NAALADL2: variants seen among roughly 807,000 people sequenced by gnomAD.
The protein encoded by NAALADL2 is N-acetylated alpha-linked acidic dipeptidase like 2, also known as inactive N-acetylated-alpha-linked acidic dipeptidase-like protein 2.
In NAALADL2, 76 loss-of-function variants were observed where a neutral mutation model predicts 87.2. The observed-to-expected ratio is 0.87, with a 90% CI of 0.72 to 1.05. NAALADL2 has a LOEUF of 1.05. Among genes scored for constraint, NAALADL2 ranks in the 50% least tolerant of loss-of-function variants. The pLI is 0.00. For missense variants in NAALADL2, 1,089 were observed against 945.8 expected, an observed-to-expected ratio of 1.15 and a Z score of -1.99; for synonymous variants, 354 against 331.0, an observed-to-expected ratio of 1.07 and a Z score of -0.75.
chr3:175,391,542 T>C lies in NAALADL2; in HGVS notation c.1091-55687T>C, dbSNP rs367694986. ...GGGGGAAGTAAGGCCGTCAGTCTGA[T>C]AGTTTGTGAGAAACTGAACATTGAC... On this transcript the variant is annotated intron_variant, in intron 5 of 13. Coordinates refer to ENST00000454872, the MANE Select transcript of NAALADL2 (RefSeq NM_207015.3). Among the ~76,000 whole-genome samples, 34 of 152,308 alleles carry C rather than the reference T, an allele frequency of 2.2e-4. 3 individuals are homozygous for C. The highest frequency in any genetic ancestry group is 3.9e-4 in the Admixed American group (6 of 15,302).
chr3:174,479,463 G>A (rs561411982), intron 1 of NAALADL2, among the ~76,000 whole-genome samples: 1 of 152,182 alleles, frequency 6.6e-6, no homozygotes, highest in Admixed American at 6.6e-5. Context: ...GAGCTTGAAA[G>A]TCAGAATTTG....
intron 9 of NAALADL2, among the ~76,000 whole-genome samples, chr3:175,504,568 TCTCTC>T (rs1730010854): frequency 6.0e-4 from 1 of 1,656 alleles, no homozygotes; most frequent in East Asian, 0.021. Context: ...TCTCTGTTTC[TCTCTC>T]TCTCTCTCTC....
At chr3:174,930,238 A>G (rs951218805) in intron 1 of NAALADL2, among the ~76,000 whole-genome samples, 1 of 152,196 alleles carries the variant, frequency 6.6e-6, no homozygotes, top group South Asian at 2.1e-4. Flanking sequence ...TTAAAACCAC[A>G]GGAAAAATAG....
At chr3:174,927,010 G>T (rs1736149665) in intron 1 of NAALADL2, among the ~76,000 whole-genome samples, 1 of 141,940 alleles carries the variant, frequency 7.0e-6, no homozygotes, top group Non-Finnish European at 1.5e-5. Flanking sequence ...GATGGAAGAA[G>T]ATCTACCAAG....
In NAALADL2 at chr3:175,650,057, CA is replaced by C. The variant is rs11458935; in HGVS notation, c.1896+22688del. Reference sequence around the variant, plus strand: ...AGCATTATTCAGAATAACCCCACACCAAAAAAAAAAAAAAAAACCCTCAGAT... The same window carrying C: ...AGCATTATTCAGAATAACCCCACACCAAAAAAAAAAAAAAAACCCTCAGAT... On this transcript the variant is annotated intron_variant, in intron 11 of 13. Coordinates refer to ENST00000454872, the MANE Select transcript of NAALADL2 (RefSeq NM_207015.3). Among the ~76,000 whole-genome samples, 1,138 of 120,374 alleles carry C rather than the reference CA, an allele frequency of 9.5e-3. 7 individuals carry two copies. Among genetic ancestry groups the C allele is most frequent in the East Asian group, 0.036 (129 of 3,576 alleles). The allele number at this position is 120,374 out of a possible 152,430, so 79.0% of individuals were successfully genotyped here.
chr3:175,193,217 G>GTT lies in NAALADL2; in HGVS notation c.546-40706_546-40705dup, dbSNP rs557494868. Among the ~76,000 whole-genome samples the GTT allele has an allele frequency of 8.4e-3, 1,253 of 148,640 alleles. 18 individuals carry two copies. Among genetic ancestry groups the GTT allele is most frequent in the African/African-American group, 0.029 (1,177 of 40,530 alleles). On this transcript the variant is annotated intron_variant, in intron 2 of 13. Coordinates refer to ENST00000454872, the MANE Select transcript of NAALADL2 (RefSeq NM_207015.3). Reference sequence around the variant, plus strand: ...CAGATCTACCACTTACTAGTTGTGTGTTTTTTTTTCAAATTATTTACACTC... The same window carrying GTT: ...CAGATCTACCACTTACTAGTTGTGTGTTTTTTTTTTTCAAATTATTTACACTC...
At chr3:175,298,845 A>C (rs986164155) in intron 4 of NAALADL2, among the ~76,000 whole-genome samples, 2 of 152,164 alleles carry the variant, frequency 1.3e-5, no homozygotes, top group African/African-American at 4.8e-5. Context: ...TTATACCTTC[A>C]TGAGGTGCAA....
At chr3:174,712,953 C>T (rs546316841) in intron 2 of NAALADL2, among the ~76,000 whole-genome samples, 2 of 152,064 alleles carry the variant, frequency 1.3e-5, no homozygotes, top group African/African-American at 2.4e-5. Flanking sequence ...TGCCTCCCCC[C>T]TCCCCCAACC....
chr3:174,730,190 T>C (rs1400940181), intron 2 of NAALADL2, among the ~76,000 whole-genome samples: 3 of 152,130 alleles, frequency 2.0e-5, no homozygotes, highest in Non-Finnish European at 4.4e-5. Context: ...ATTAATTATT[T>C]CTGGGTGAAA....
chr3:175,421,115 A>C (rs1715620610), intron 5 of NAALADL2, among the ~76,000 whole-genome samples: 1 of 152,062 alleles, frequency 6.6e-6, no homozygotes, highest in Non-Finnish European at 1.5e-5. Flanking sequence ...AAATATCAAG[A>C]ATGATTTCTT....
chr3:174,738,844 C>T (rs1733477817), intron 3 of NAALADL2, among the ~76,000 whole-genome samples: 1 of 151,982 alleles, frequency 6.6e-6, no homozygotes, highest in Admixed American at 6.6e-5. Flanking sequence ...TTTTATAGTA[C>T]ATTTGGGGAA....
At chr3:174,964,726 A>G (rs2108576717) in intron 1 of NAALADL2, among the ~76,000 whole-genome samples, 1 of 152,172 alleles carries the variant, frequency 6.6e-6, no homozygotes, top group South Asian at 2.1e-4. Context: ...AGTGGCTCAT[A>G]TATTCCTCCT....
At chr3:174,793,648 A>G (rs1003195339) in intron 3 of NAALADL2, among the ~76,000 whole-genome samples, 1 of 152,142 alleles carries the variant, frequency 6.6e-6, no homozygotes, top group African/African-American at 2.4e-5. Flanking sequence ...TCAATAACAA[A>G]ACAAAACAGG....
chr3:175,013,303 T>C (rs866413807), intron 1 of NAALADL2, among the ~76,000 whole-genome samples: 1 of 101,084 alleles, frequency 9.9e-6, no homozygotes, highest in Non-Finnish European at 1.9e-5. Context: ...ATATATATAT[T>C]TTTTTTTTTT....
rs1721985078 is a variant in NAALADL2 at position 175,594,521 on chromosome 3, G to A, written c.1800+18334G>A. ...GAATAATTTATTTCCCCTTGGGTAT[G>A]TACCCAGTAATGGGATTTCTGGGTC... On this transcript the variant is annotated intron_variant, in intron 10 of 13. Transcript: ENST00000454872. Among the ~76,000 whole-genome samples the A allele has an allele frequency of 1.3e-5, 2 of 152,106 alleles. 1 individual carries two copies. The highest frequency in any genetic ancestry group is 4.8e-5 in the African/African-American group (2 of 41,418).
intron 9 of NAALADL2, among the ~76,000 whole-genome samples, chr3:175,551,440 G>A (rs1428822344): frequency 2.6e-5 from 4 of 152,100 alleles, no homozygotes; most frequent in Non-Finnish European, 5.9e-5. Flanking sequence ...AACAGCTGTT[G>A]ACTGACAAGA....
intron 2 of NAALADL2, among the ~76,000 whole-genome samples, chr3:174,668,521 G>T: frequency 6.6e-6 from 1 of 152,000 alleles, no homozygotes; most frequent in Non-Finnish European, 1.5e-5. Flanking sequence ...GCTGCACCCA[G>T]TAACTCGTCA....
chr3:175,748,114 T>G (rs6767188), intron 12 of NAALADL2, among the ~76,000 whole-genome samples: 2,835 of 152,278 alleles, frequency 0.019, 88 homozygotes, highest in African/African-American at 0.064. Flanking sequence ...ATCCATTGTT[T>G]TCTGGCATTT....
chr3:175,630,442 GTATGTATTTAATTAAGTATTACTAT>G (rs1727602035), intron 11 of NAALADL2, among the ~76,000 whole-genome samples: 1 of 151,554 alleles, frequency 6.6e-6, no homozygotes, highest in Non-Finnish European at 1.5e-5. Flanking sequence ...TAGAAATGAA[GTATGTATTTAATTAAGTATTACTAT>G]TAACTCATTA....
Sources: gnomAD v4.1 joint callset for allele counts (sites outside exome capture counted in the v4.1 genomes callset) on GRCh38, gnomAD v4.1.1 for gene constraint, MANE v1.5 for transcripts, NCBI Gene and HGNC (gene_info 2026-07-23, HGNC 2026-07-21) for gene names.